The following GRM7 variants were observed in gnomAD, a reference collection of about 807,000 sequenced individuals.
GRM7 encodes the protein metabotropic glutamate receptor 7.
In GRM7, 35 loss-of-function variants were observed where a neutral mutation model predicts 84.5. The observed-to-expected ratio is 0.41, with a 90% CI of 0.32 to 0.55. The LOEUF (loss-of-function observed/expected upper bound fraction) is 0.55. Ranked by LOEUF, GRM7 falls within the 20% of genes least tolerant of loss-of-function variation. The pLI is 0.19. For synonymous variants in GRM7, 487 were observed against 455.1 expected, an observed-to-expected ratio of 1.07 and a Z score of -0.89; for missense variants, 1,003 against 1,194.6, an observed-to-expected ratio of 0.84 and a Z score of 2.36.
chr3:7,400,499 C>G (rs1038807225), intron 4 of GRM7, among the ~76,000 whole-genome samples: 1 of 152,108 alleles, frequency 6.6e-6, no homozygotes, highest in Non-Finnish European at 1.5e-5. Flanking sequence ...ACATCAAACA[C>G]CCATTGTAGT....
intron 3 of GRM7, among the ~76,000 whole-genome samples, chr3:7,299,626 G>C (rs552058369): frequency 6.6e-5 from 10 of 152,230 alleles, no homozygotes; most frequent in Admixed American, 6.5e-4. Flanking sequence ...CTGTATATAT[G>C]CTAGAGGGAT....
At chr3:7,562,553 C>T (rs867485745) in intron 7 of GRM7, among the ~76,000 whole-genome samples, 48 of 152,046 alleles carry the variant, frequency 3.2e-4, no homozygotes, top group African/African-American at 8.9e-4. Context: ...AATGACCCTA[C>T]GAGTTCTTCT....
rs138485434 is a variant in GRM7, at chr3:6,977,657, G to A, written c.519+115750G>A. On this transcript the variant is annotated intron_variant, in intron 1 of 9. Coordinates refer to ENST00000357716, the MANE Select transcript of GRM7 (RefSeq NM_000844.4). ...CAATCTAAGTTGTATCCCTTATAAT[G>A]TGGATCAGTACCTTGCTGGATTTTA... Among the ~76,000 whole-genome samples, 21 of 152,230 alleles carry A rather than the reference G, an allele frequency of 1.4e-4. No individual in the cohort carries two copies. In the South Asian group the frequency reaches 2.3e-3, roughly 17 times the overall value.
chr3:7,372,326 G>A (rs1694172532), intron 4 of GRM7, among the ~76,000 whole-genome samples: 1 of 152,130 alleles, frequency 6.6e-6, no homozygotes, highest in Non-Finnish European at 1.5e-5. Flanking sequence ...GCTAGGTGTT[G>A]GCAGTATCCA....
chr3:7,707,871 T>A (rs1284085741), intron 9 of GRM7, among the ~76,000 whole-genome samples: 1 of 152,094 alleles, frequency 6.6e-6, no homozygotes, highest in East Asian at 1.9e-4. Context: ...TTTAACTTCA[T>A]TCTTATCAGA....
chr3:7,262,863 A>C (rs1482668455), intron 2 of GRM7, among the ~76,000 whole-genome samples: 2 of 152,122 alleles, frequency 1.3e-5, no homozygotes, highest in Admixed American at 1.3e-4. Flanking sequence ...GCACCCAGCT[A>C]ATTTTTGTAT....
intron 1 of GRM7, among the ~76,000 whole-genome samples, chr3:7,021,707 C>A (rs1695782872): frequency 6.6e-6 from 1 of 152,078 alleles, no homozygotes; most frequent in African/African-American, 2.4e-5. Flanking sequence ...TAGCAATTAC[C>A]ATTTATTGAT....
At chr3:7,403,544 C>T (rs1173060703) in intron 4 of GRM7, among the ~76,000 whole-genome samples, 1 of 148,696 alleles carries the variant, frequency 6.7e-6, no homozygotes, top group East Asian at 2.0e-4. Flanking sequence ...CAACAAGATT[C>T]GGTCAACTAT....
intron 4 of GRM7, among the ~76,000 whole-genome samples, chr3:7,362,690 A>G (rs1047979652): frequency 6.6e-6 from 1 of 152,044 alleles, no homozygotes; most frequent in Non-Finnish European, 1.5e-5. Flanking sequence ...ACTGTGTGTA[A>G]TAAGCATAAT....
chr3:7,058,304 T>C (rs977584668), intron 1 of GRM7, among the ~76,000 whole-genome samples: 6 of 151,954 alleles, frequency 3.9e-5, no homozygotes, highest in Non-Finnish European at 8.8e-5. Context: ...CACATATTTA[T>C]GCTCTATGTA....
In GRM7 at chr3:6,863,077, T is replaced by C. The variant is rs1694817213; in HGVS notation, c.519+1170T>C. On this transcript the variant is annotated intron_variant, in intron 1 of 9. Coordinates refer to ENST00000357716, the MANE Select transcript of GRM7 (RefSeq NM_000844.4). The surrounding 1 kb of genome is among the most constrained non-coding windows in gnomAD (Gnocchi z 4.8). ...GATTGTAGGTTCCCTCCTCTGTGTC[T>C]TTCCCTATATGTGCATCACTCTCTC... 2.2e-6 allele frequency: 1 copy of C among 447,470 alleles called. No homozygotes were observed. Among genetic ancestry groups the C allele is most frequent in the Non-Finnish European group, 4.5e-6 (1 of 223,598 alleles). The allele number at this position is 447,470 out of a possible 1,614,324, so 27.7% of individuals were successfully genotyped here.
At chr3:7,508,672 G>A (rs1404768212) in intron 7 of GRM7, among the ~76,000 whole-genome samples, 1 of 152,076 alleles carries the variant, frequency 6.6e-6, no homozygotes, top group Non-Finnish European at 1.5e-5. Flanking sequence ...TTGAAAAATT[G>A]TTTTTGGAAA....
rs113398769 is a variant in GRM7 at position 7,517,845 on chromosome 3, C to T, written c.1515+56123C>T. Among the ~76,000 whole-genome samples, 276 of 152,326 alleles carry T rather than the reference C, an allele frequency of 1.8e-3. 1 individual carries two copies. The highest frequency in any genetic ancestry group is 5.9e-3 in the African/African-American group (247 of 41,560). On this transcript the variant is annotated intron_variant, in intron 7 of 9. Transcript: ENST00000357716. ...ACCAGATTTTAACTTAAGTAGTTTT[C>T]CCAAGCTCGTCCAGCTGACATGTGA...
At chr3:6,903,228 A>T (rs1183825903) in intron 1 of GRM7, among the ~76,000 whole-genome samples, 1 of 148,668 alleles carries the variant, frequency 6.7e-6, no homozygotes, top group African/African-American at 2.5e-5. Context: ...TGGTCTTCCC[A>T]TTCCTGTGCC....
chr3:7,533,754 A>G (rs1223083407), intron 7 of GRM7, among the ~76,000 whole-genome samples: 1 of 152,206 alleles, frequency 6.6e-6, no homozygotes. Flanking sequence ...TGAAATCAAT[A>G]TTTAATTCCC....
chr3:6,969,429 C>T lies in GRM7; in HGVS notation c.519+107522C>T, dbSNP rs372009946. On this transcript the variant is annotated intron_variant, in intron 1 of 9. Coordinates refer to ENST00000357716, the MANE Select transcript of GRM7 (RefSeq NM_000844.4). ...AGAAGTTAATTAAACTTTCTGAGGT[C>T]GCATAGTGTATCAGTGAATAGTTAG... Among the ~76,000 whole-genome samples, 34 of 152,190 alleles carry T rather than the reference C, an allele frequency of 2.2e-4. 1 individual carries two copies. In the East Asian group the frequency reaches 6.0e-3, roughly 27 times the overall value.
intron 2 of GRM7, among the ~76,000 whole-genome samples, chr3:7,169,539 G>A (rs548923064): frequency 6.6e-6 from 1 of 152,300 alleles, no homozygotes; most frequent in South Asian, 2.1e-4. Context: ...TGAATTAAAT[G>A]TGTAATTTTA....
chr3:7,399,595 G>C (rs542828156), intron 4 of GRM7, among the ~76,000 whole-genome samples: 1 of 152,188 alleles, frequency 6.6e-6, no homozygotes, highest in Non-Finnish European at 1.5e-5. Context: ...TTGATCCTCA[G>C]TGTCGGAGAT....
At chr3:7,079,172 C>A (rs1342763892) in intron 1 of GRM7, among the ~76,000 whole-genome samples, 1 of 152,002 alleles carries the variant, frequency 6.6e-6, no homozygotes, top group Non-Finnish European at 1.5e-5. Context: ...GGTTGTTAAC[C>A]ATAATTAGAA....
Sources: gnomAD v4.1 joint callset for allele counts (sites outside exome capture counted in the v4.1 genomes callset) on GRCh38, gnomAD v4.1.1 for gene constraint, Gnocchi (gnomAD v3.1) non-coding constraint, MANE v1.5 for transcripts, NCBI Gene and HGNC (gene_info 2026-07-23, HGNC 2026-07-21) for gene names.